Variants in CFAP20 observed in about 807,000 individuals in gnomAD.
The protein encoded by CFAP20 is cilia- and flagella-associated protein 20.
Under a neutral mutation model 25.5 loss-of-function variants are expected in CFAP20, and 14 were observed. The observed-to-expected ratio is 0.55, with a 90% CI of 0.36 to 0.86. The LOEUF is 0.86. CFAP20 is among the 40% of genes least tolerant of loss of function. The pLI, the probability that CFAP20 is intolerant of heterozygous loss-of-function variation, is 0.01. For missense variants in CFAP20, 181 were observed against 248.0 expected (o/e 0.73, Z 1.81); for synonymous variants, 75 against 91.1 (o/e 0.82, Z 1.01).
intron 1 of CFAP20, among the ~76,000 whole-genome samples, chr16:58,121,321 T>A (rs1345489904): frequency 2.0e-5 from 3 of 152,220 alleles, no homozygotes; most frequent in African/African-American, 4.8e-5. Context: ...CAGAGGTCAC[T>A]GGGCAGGCGT....
At position 58,114,801 on chromosome 16, in the gene CFAP20, C is replaced by G; in HGVS notation, c.576+9G>C. ...CTGGTGGACCTTCCTCTGGGGAAGACTGGCTTACCTTTGCCTTGTTCTGAA... is the reference window on the plus strand; with the variant it reads ...CTGGTGGACCTTCCTCTGGGGAAGAGTGGCTTACCTTTGCCTTGTTCTGAA... On this transcript the variant is annotated intron_variant, in intron 5 of 5. Transcript: ENST00000262498. The G allele has an allele frequency of 1.9e-6, 3 of 1,604,430 alleles. No individual in the cohort carries two copies. The highest frequency in any genetic ancestry group is 1.7e-6 in the Non-Finnish European group (2 of 1,171,330).
intron 1 of CFAP20, among the ~76,000 whole-genome samples, chr16:58,124,549 C>T (rs1960584463): frequency 6.6e-6 from 1 of 152,186 alleles, no homozygotes; most frequent in Non-Finnish European, 1.5e-5. Flanking sequence ...ACAATCTGTA[C>T]AGCATACTAC....
chr16:58,122,568 C>T (rs374933035), intron 1 of CFAP20, among the ~76,000 whole-genome samples: 2 of 151,820 alleles, frequency 1.3e-5, no homozygotes, highest in African/African-American at 4.8e-5. Context: ...GGTGACAGAG[C>T]GAGACTCTGT....
chr16:58,122,167 G>C (rs192131426), intron 1 of CFAP20, among the ~76,000 whole-genome samples: 344 of 152,320 alleles, frequency 2.3e-3, no homozygotes, highest in Non-Finnish European at 3.8e-3. Flanking sequence ...CACTCCCTTC[G>C]CTGTACTTGA....
intron 1 of CFAP20, among the ~76,000 whole-genome samples, chr16:58,117,451 C>T (rs1159753318): frequency 2.0e-5 from 3 of 152,086 alleles, no homozygotes; most frequent in African/African-American, 7.2e-5. Context: ...TTTTCTGAGA[C>T]GGAGTCTCGC....
Position 58,113,874 on chromosome 16 carries a change from C to T in CFAP20, c.*151G>A. The T allele has an allele frequency of 6.9e-6, 6 of 874,726 alleles. No homozygotes were observed. The highest frequency in any genetic ancestry group is 1.1e-5 in the Non-Finnish European group (6 of 540,144). 54.2% of individuals were successfully genotyped at this position (874,726 alleles called of 1,614,324 possible). A position where few individuals can be genotyped will look rare whatever the true frequency, so the allele number is the denominator to read the frequency against. On this transcript the variant is annotated 3_prime_UTR_variant, in exon 6 of 6. Coordinates refer to ENST00000262498, the MANE Select transcript of CFAP20 (RefSeq NM_013242.3). ...CAGTCACAGAGTTACGGCATGTTCACCGGTGTCCATGACAAGCAACACCAA... is the reference window on the plus strand; with the variant it reads ...CAGTCACAGAGTTACGGCATGTTCATCGGTGTCCATGACAAGCAACACCAA...
At position 58,113,718 on chromosome 16, in the gene CFAP20, C is replaced by A; in HGVS notation, c.*307G>T. 1 of 353,040 alleles carries A rather than the reference C, an allele frequency of 2.8e-6. No homozygotes were observed. The highest frequency in any genetic ancestry group is 4.9e-5 in the South Asian group (1 of 20,618). 21.9% of individuals were successfully genotyped at this position (353,040 alleles called of 1,614,324 possible). On this transcript the variant is annotated 3_prime_UTR_variant, in exon 6 of 6. Transcript: ENST00000262498. ...AGGAAGAAATATTGGTCTGGAATTC[C>A]TTATGGGCCATCTTTAATTCTGTAA...
chr16:58,124,539 A>G (rs888091094), intron 1 of CFAP20, among the ~76,000 whole-genome samples: 4 of 152,220 alleles, frequency 2.6e-5, no homozygotes, highest in Admixed American at 2.0e-4. Context: ...CCCCTAGGCT[A>G]CAATCTGTAC....
chr16:58,123,397 C>T (rs1450364053), intron 1 of CFAP20, among the ~76,000 whole-genome samples: 3 of 146,826 alleles, frequency 2.0e-5, no homozygotes, highest in African/African-American at 7.6e-5. Context: ...GAGATCGAGA[C>T]CATCCTGGCT....
At chr16:58,127,148 G>A (rs572824984) in intron 1 of CFAP20, among the ~76,000 whole-genome samples, 1 of 152,224 alleles carries the variant, frequency 6.6e-6, no homozygotes, top group South Asian at 2.1e-4. Flanking sequence ...CGTTGTTAAG[G>A]GACACAGTGC....
intron 1 of CFAP20, among the ~76,000 whole-genome samples, chr16:58,128,779 C>G (rs1260891976): frequency 6.6e-6 from 1 of 151,922 alleles, no homozygotes; most frequent in Non-Finnish European, 1.5e-5. Flanking sequence ...CGGTCCTAAC[C>G]ACACCACAGC....
intron 3 of CFAP20, chr16:58,115,673 G>A: frequency 1.7e-6 from 1 of 602,572 alleles, no homozygotes; most frequent in Non-Finnish European, 2.9e-6. Context: ...AGCTGCTTAT[G>A]ACATATAACA....
chr16:58,115,436 G>A lies in CFAP20; in HGVS notation c.298C>T (p.Arg100Cys), dbSNP rs753911484. Residue 100 changes from arginine (R) to cysteine (C), a missense_variant, in exon 4 of 6, where the codon CGT (arginine) becomes TGT (cysteine). Arg to Cys is a radical substitution (Grantham distance 180). Coordinates refer to ENST00000262498, the MANE Select transcript of CFAP20 (RefSeq NM_013242.3). The stretch of plus-strand genomic sequence containing the variant: ...TAGTTACTTGCCCGAAAGCGACGAC[G>A]CACATTCTTGTCATCTAGTACCTGT... The part of the protein sequence containing the change: ...EVQVLDDKNV[R>C]RRFRASNYQS... 5 of 1,614,184 alleles carry A rather than the reference G, an allele frequency of 3.1e-6. No individual in the cohort carries two copies. Among genetic ancestry groups the A allele is most frequent in the Admixed American group, 3.3e-5 (2 of 60,008 alleles).
intron 1 of CFAP20, 30 bp from the exon 2 acceptor site, chr16:58,116,981 A>C: frequency 6.3e-7 from 1 of 1,598,110 alleles, no homozygotes; most frequent in Non-Finnish European, 8.6e-7. Flanking sequence ...ATTAGTACTG[A>C]AATATCTGAC....
rs535828181 is a variant in CFAP20, at chr16:58,116,180, A to C, written c.165-28T>G. On this transcript the variant is annotated intron_variant, in intron 2 of 5. Transcript: ENST00000262498. ...GTAGAGAGAGGAAATACTAATAAAC[A>C]CACTCCTGGACTCTCTTCCTTTGTG... 6.2e-6 allele frequency: 9 copies of C among 1,459,484 alleles called. No homozygotes were observed. In the East Asian group the frequency reaches 2.0e-4, roughly 33 times the overall value. The allele number at this position is 1,459,484 out of a possible 1,614,324, so 90.4% of individuals were successfully genotyped here.
chr16:58,116,232 A>G, intron 2 of CFAP20, 80 bp from the exon 3 acceptor site: 1 of 1,004,146 alleles, frequency 1.0e-6, no homozygotes, highest in Non-Finnish European at 1.5e-6. Context: ...CACACGGTCC[A>G]AGAGGATACA....
At chr16:58,114,466 C>A (rs915690700) in intron 5 of CFAP20, among the ~76,000 whole-genome samples, 40 of 150,694 alleles carry the variant, frequency 2.7e-4, no homozygotes, top group Middle Eastern at 3.3e-3. Context: ...GCAGAGGTTG[C>A]AGTGAGCTGA....
chr16:58,116,785 T>A, intron 2 of CFAP20, 87 bp downstream of exon 2: 1 of 1,251,606 alleles, frequency 8.0e-7, no homozygotes. Context: ...TCCGGCACTC[T>A]GACTCCGCAG....
chr16:58,125,438 A>G (rs544208457), intron 1 of CFAP20, among the ~76,000 whole-genome samples: 2 of 152,324 alleles, frequency 1.3e-5, no homozygotes, highest in Admixed American at 1.3e-4. Context: ...TAATTCTAGC[A>G]CTTTGGGAGG....
Sources: allele counts gnomAD v4.1 joint callset (sites outside exome capture counted in the v4.1 genomes callset), GRCh38; gene constraint gnomAD v4.1.1; transcripts MANE v1.5; gene names NCBI Gene and HGNC (gene_info 2026-07-23, HGNC 2026-07-21).